The following ATP6V0A1 variants were observed in gnomAD, a reference collection of about 807,000 sequenced individuals.
ATP6V0A1 encodes the protein ATPase H+ transporting V0 subunit a1, also known as V-type proton ATPase 116 kDa subunit a 1.
Under a neutral mutation model 105.4 loss-of-function variants are expected in ATP6V0A1, and 43 were observed. That is an observed-to-expected ratio of 0.41 (90% CI 0.32 to 0.53). The LOEUF (loss-of-function observed/expected upper bound fraction) is 0.53. ATP6V0A1 is among the 20% of genes least tolerant of loss of function. ATP6V0A1 has a pLI of 0.30. For missense variants in ATP6V0A1, 676 were observed against 1,051.1 expected (o/e 0.64, Z 4.93); for synonymous variants, 362 against 372.8 (o/e 0.97, Z 0.33).
chr17:42,485,642 C>T (rs1376496452), intron 9 of ATP6V0A1, among the ~76,000 whole-genome samples: 2 of 152,112 alleles, frequency 1.3e-5, no homozygotes, highest in Admixed American at 1.3e-4. Flanking sequence ...GCAGCCTTGA[C>T]CGACTAGGCT....
At chr17:42,507,133 G>A (rs189017027) in intron 17 of ATP6V0A1, among the ~76,000 whole-genome samples, 13 of 152,292 alleles carry the variant, frequency 8.5e-5, no homozygotes, top group Admixed American at 4.6e-4. Context: ...AATCGTTAGG[G>A]CCAGAAAAGC....
intron 17 of ATP6V0A1, among the ~76,000 whole-genome samples, chr17:42,505,584 C>T (rs540744330): frequency 3.1e-4 from 47 of 151,228 alleles, no homozygotes; most frequent in Middle Eastern, 7.0e-3. Context: ...GTGATCTGCC[C>T]GCTGTGGCCT....
intron 2 of ATP6V0A1, among the ~76,000 whole-genome samples, chr17:42,464,634 A>G (rs565917256): frequency 6.6e-6 from 1 of 152,110 alleles, no homozygotes; most frequent in Non-Finnish European, 1.5e-5. Context: ...CGAACTCCTG[A>G]CCTCATGAAC....
intron 5 of ATP6V0A1, among the ~76,000 whole-genome samples, chr17:42,475,145 T>C (rs1442337644): frequency 6.6e-6 from 1 of 152,226 alleles, no homozygotes; most frequent in Admixed American, 6.5e-5. Context: ...TTTTTTCCCA[T>C]CTGCCATTTC....
At chr17:42,480,417 A>G in intron 7 of ATP6V0A1, 1 of 366,840 alleles carries the variant, frequency 2.7e-6, no homozygotes, top group Non-Finnish European at 5.0e-6. Context: ...GAGGAGCATC[A>G]TCTTAGCTTC....
At chr17:42,478,430 A>G (rs1598797325) in intron 6 of ATP6V0A1, 33 bp from the exon 7 acceptor site, 1 of 1,551,532 alleles carries the variant, frequency 6.4e-7, no homozygotes. Context: ...ATGACATGGA[A>G]TAGAGTTTCC....
In ATP6V0A1 at chr17:42,520,460, G is replaced by T. The variant is rs181922458; in HGVS notation, c.2421-567G>T. The T allele has an allele frequency of 1.8e-5, 8 of 456,668 alleles. No individual in the cohort carries two copies. The Admixed American group carries it at 1.9e-4, about 11-fold the overall frequency. 28.3% of individuals were successfully genotyped at this position (456,668 alleles called of 1,614,324 possible). On this transcript the variant is annotated intron_variant, in intron 21 of 21. Coordinates refer to ENST00000343619, the MANE Select transcript of ATP6V0A1 (RefSeq NM_001130021.3). ...TCCCCAAGAGAAGAATTCTTTCTCA[G>T]ATGTTTTTGTGGTTGGAGAATATTT...
At position 42,521,234 on chromosome 17, in the gene ATP6V0A1, C is replaced by A; in HGVS notation, c.*114C>A. The A allele has an allele frequency of 1.1e-6, 1 of 931,706 alleles. No individual in the cohort carries two copies. Among genetic ancestry groups the A allele is most frequent in the Non-Finnish European group, 1.6e-6 (1 of 627,564 alleles). The allele number at this position is 931,706 out of a possible 1,614,324, so 57.7% of individuals were successfully genotyped here. A position where few individuals can be genotyped will look rare whatever the true frequency, so the allele number is the denominator to read the frequency against. On this transcript the variant is annotated 3_prime_UTR_variant, in exon 22 of 22. Coordinates refer to ENST00000343619, the MANE Select transcript of ATP6V0A1 (RefSeq NM_001130021.3). This position sits in a 1 kb window ranked among gnomAD's most constrained non-coding sequence, Gnocchi z 4.8. ...TGTGGGCACCAGCTCATTCGTGTCA[C>A]CCTGTCTGTGAGTCATTTAGATAGA... is the stretch of plus-strand genomic sequence containing the variant.
intron 7 of ATP6V0A1, among the ~76,000 whole-genome samples, chr17:42,479,857 G>T (rs1177003661): frequency 3.9e-5 from 6 of 152,156 alleles, no homozygotes; most frequent in African/African-American, 7.2e-5. Context: ...CAACAGAAAG[G>T]TTATTTTATC....
At chr17:42,497,300 C>CAA (rs1220778376) in intron 14 of ATP6V0A1, among the ~76,000 whole-genome samples, 72 of 57,450 alleles carry the variant, frequency 1.3e-3, no homozygotes, top group East Asian at 3.0e-3. Context: ...GACCCTGTCT[C>CAA]AAAAAAAAAA....
At chr17:42,516,057 C>A (rs774603104) in intron 21 of ATP6V0A1, among the ~76,000 whole-genome samples, 3 of 152,166 alleles carry the variant, frequency 2.0e-5, no homozygotes, top group Non-Finnish European at 4.4e-5. Context: ...TCCTGTTTTA[C>A]AAGCATAGGG....
chr17:42,487,734 A>G (rs1179522318), intron 10 of ATP6V0A1, among the ~76,000 whole-genome samples: 1 of 152,046 alleles, frequency 6.6e-6, no homozygotes, highest in African/African-American at 2.4e-5. Flanking sequence ...TCTCAAAAAA[A>G]AAAAATAATA....
chr17:42,479,889 C>T (rs2089277302), intron 7 of ATP6V0A1, among the ~76,000 whole-genome samples: 1 of 152,096 alleles, frequency 6.6e-6, no homozygotes, highest in Non-Finnish European at 1.5e-5. Context: ...AAATGGGGAC[C>T]CTGGATATCT....
intron 17 of ATP6V0A1, 47 bp downstream of exon 17, chr17:42,501,351 C>A: frequency 7.7e-7 from 1 of 1,293,928 alleles, no homozygotes; most frequent in South Asian, 1.2e-5. Context: ...TTGTTTTGTT[C>A]AAGATCAAGG....
chr17:42,499,363 C>T lies in ATP6V0A1; in HGVS notation c.1679+321C>T, dbSNP rs984172164. Among the ~76,000 whole-genome samples the T allele has an allele frequency of 4.6e-5, 7 of 151,558 alleles. No homozygotes were observed. In the East Asian group the frequency reaches 7.7e-4, roughly 17 times the overall value. On this transcript the variant is annotated intron_variant, in intron 15 of 21. Transcript: ENST00000343619. ...GCACGCGCCTATATTCCCAGCTATT[C>T]GGGAGGCTGAGGCAGGAGAATTGCT...
At chr17:42,515,703 G>A (rs924093614) in intron 21 of ATP6V0A1, among the ~76,000 whole-genome samples, 1 of 151,586 alleles carries the variant, frequency 6.6e-6, no homozygotes, top group Non-Finnish European at 1.5e-5. Flanking sequence ...CAGGAGAATC[G>A]CTTGAACCCA....
chr17:42,484,852 CTTTT>C (rs10711845), intron 9 of ATP6V0A1, among the ~76,000 whole-genome samples: 4 of 112,190 alleles, frequency 3.6e-5, no homozygotes, highest in Non-Finnish European at 1.9e-5. Context: ...CTTTTCTTTT[CTTTT>C]TTTTTTTTTT....
At chr17:42,486,267 C>T (rs529905628) in intron 9 of ATP6V0A1, among the ~76,000 whole-genome samples, 6 of 152,076 alleles carry the variant, frequency 3.9e-5, no homozygotes, top group Non-Finnish European at 7.4e-5. Flanking sequence ...AAAAATTAGC[C>T]GTGCATGGTG....
intron 2 of ATP6V0A1, 57 bp downstream of exon 2, chr17:42,461,068 C>G (rs1018862886): frequency 5.7e-6 from 8 of 1,397,204 alleles, no homozygotes; most frequent in Non-Finnish European, 6.1e-6. Flanking sequence ...CTATCGTGGT[C>G]AGATGCCTTA....
Sources: gnomAD v4.1 joint callset for allele counts (sites outside exome capture counted in the v4.1 genomes callset) on GRCh38, gnomAD v4.1.1 for gene constraint, Gnocchi (gnomAD v3.1) non-coding constraint, MANE v1.5 for transcripts, NCBI Gene and HGNC (gene_info 2026-07-23, HGNC 2026-07-21) for gene names.